The following TRAF3 variants were observed in gnomAD, a reference collection of about 807,000 sequenced individuals.
TRAF3 encodes the protein TNF receptor-associated factor 3.
TRAF3 carries 13 observed loss-of-function variants against 62.3 expected under a neutral mutation model. The observed-to-expected ratio is 0.21, with a 90% CI of 0.14 to 0.33. TRAF3 has a LOEUF of 0.33. Among genes scored for constraint, TRAF3 ranks in the 10% least tolerant of loss-of-function variants. The probability of loss-of-function intolerance (pLI) is 1.00; values close to 1 mark genes in which losing one functional copy is unlikely to be tolerated. For synonymous variants in TRAF3, 269 were observed against 283.4 expected, an observed-to-expected ratio of 0.95 and a Z score of 0.51; for missense variants, 440 against 741.8, an observed-to-expected ratio of 0.59 and a Z score of 4.73.
At chr14:102,811,753 G>C (rs1899174124) in intron 1 of TRAF3, among the ~76,000 whole-genome samples, 1 of 147,954 alleles carries the variant, frequency 6.8e-6, no homozygotes, top group Non-Finnish European at 1.5e-5. Flanking sequence ...GTGTGTGTGT[G>C]TGTGTGTGTT....
At chr14:102,845,202 A>AT (rs1245644801) in intron 2 of TRAF3, among the ~76,000 whole-genome samples, 1 of 128,982 alleles carries the variant, frequency 7.8e-6, no homozygotes, top group Non-Finnish European at 1.7e-5. Flanking sequence ...GGCCCTAAAA[A>AT]TTTTTTGTTT....
intron 1 of TRAF3, among the ~76,000 whole-genome samples, chr14:102,781,405 C>A (rs1363528176): frequency 6.6e-6 from 1 of 152,178 alleles, no homozygotes; most frequent in African/African-American, 2.4e-5. Context: ...GGGAACAGAG[C>A]AGCAGGCCCT....
rs145405011 is a variant in TRAF3 at position 102,830,121 on chromosome 14, C to T, written c.-156-213C>T. Among the ~76,000 whole-genome samples, 553 of 152,298 alleles carry T rather than the reference C, an allele frequency of 3.6e-3. 4 individuals carry two copies. The highest frequency in any genetic ancestry group is 0.013 in the African/African-American group (535 of 41,556). ...TGGAGCCTGGTGGTTGCTGCCGAGG[C>T]GGCAGCTCCTAGAGGGCCTGGCCAG... On this transcript the variant is annotated intron_variant, in intron 1 of 11. Coordinates refer to ENST00000392745, the MANE Select transcript of TRAF3 (RefSeq NM_145725.3).
At chr14:102,866,179 T>G (rs564858022) in intron 2 of TRAF3, among the ~76,000 whole-genome samples, 2 of 152,116 alleles carry the variant, frequency 1.3e-5, no homozygotes, top group East Asian at 3.9e-4. Context: ...AACAGAGGAA[T>G]AGAAAACCAA....
At chr14:102,780,275 G>A (rs1400161193) in intron 1 of TRAF3, among the ~76,000 whole-genome samples, 4 of 151,992 alleles carry the variant, frequency 2.6e-5, no homozygotes, top group Non-Finnish European at 4.4e-5. Flanking sequence ...GCAGGCTTTG[G>A]GTCCCAAAGA....
chr14:102,883,284 G>A (rs1889172382), intron 6 of TRAF3, among the ~76,000 whole-genome samples: 1 of 152,254 alleles, frequency 6.6e-6, no homozygotes, highest in African/African-American at 2.4e-5. Flanking sequence ...GCAATAGGCA[G>A]ATGAGTCTAA....
rs147565097 is a variant in TRAF3, at chr14:102,872,747, A to G, written c.297+779A>G. ...ACTCTTGTTGCACAGGCTGGAGCAC[A>G]ATGGCACGATCTTGGCTCGCTGCAG... is the stretch of plus-strand genomic sequence containing the variant. On this transcript the variant is annotated intron_variant, in intron 4 of 11. Transcript: ENST00000392745. Among the ~76,000 whole-genome samples, 1,224 of 151,500 alleles carry G rather than the reference A, an allele frequency of 8.1e-3. 7 individuals carry two copies. Among genetic ancestry groups the G allele is most frequent in the Non-Finnish European group, 0.013 (859 of 67,906 alleles).
intron 10 of TRAF3, among the ~76,000 whole-genome samples, chr14:102,901,542 G>T (rs868323684): frequency 1.4e-4 from 21 of 152,296 alleles, no homozygotes; most frequent in South Asian, 2.1e-4. Flanking sequence ...TTGTCCCCCA[G>T]CAAATAGACT....
At chr14:102,858,449 G>C (rs893452423) in intron 2 of TRAF3, among the ~76,000 whole-genome samples, 5 of 152,066 alleles carry the variant, frequency 3.3e-5, no homozygotes, top group Non-Finnish European at 7.4e-5. Flanking sequence ...CACTGCACCC[G>C]GCCTAAGAAC....
intron 4 of TRAF3, 95 bp from the exon 5 acceptor site, chr14:102,875,529 T>G: frequency 1.5e-6 from 1 of 687,272 alleles, no homozygotes; most frequent in Admixed American, 3.2e-5. Context: ...TCCTCTCTTG[T>G]TTTTTTTTTT....
At chr14:102,862,213 A>G (rs945769305) in intron 2 of TRAF3, among the ~76,000 whole-genome samples, 7 of 152,062 alleles carry the variant, frequency 4.6e-5, no homozygotes, top group African/African-American at 1.7e-4. Context: ...CATTTTTGAA[A>G]GATAGTTTTA....
At chr14:102,868,114 C>T (rs754758819) in intron 2 of TRAF3, among the ~76,000 whole-genome samples, 11 of 152,224 alleles carry the variant, frequency 7.2e-5, no homozygotes, top group East Asian at 1.9e-4. Context: ...AGGAATTTGG[C>T]TCTTATTTTT....
chr14:102,779,311 T>G (rs1190981206), intron 1 of TRAF3, among the ~76,000 whole-genome samples: 1 of 141,762 alleles, frequency 7.1e-6, no homozygotes, highest in Non-Finnish European at 1.5e-5. Context: ...GACATTCATG[T>G]GAATTTCTCT....
At chr14:102,861,863 T>C (rs1268556996) in intron 2 of TRAF3, among the ~76,000 whole-genome samples, 1 of 152,252 alleles carries the variant, frequency 6.6e-6, no homozygotes, top group Non-Finnish European at 1.5e-5. Flanking sequence ...GAAACGTTTA[T>C]ACAGATCCTT....
chr14:102,906,128 C>CAA lies in TRAF3; in HGVS notation c.*350_*351dup, dbSNP rs996339857. 7.7e-4 allele frequency: 168 copies of CAA among 216,954 alleles called. No individual in the cohort carries two copies. Among genetic ancestry groups the CAA allele is most frequent in the Non-Finnish European group, 1.4e-3 (149 of 108,156 alleles). 13.4% of individuals were successfully genotyped at this position (216,954 alleles called of 1,614,324 possible). On this transcript the variant is annotated 3_prime_UTR_variant, in exon 12 of 12. Transcript: ENST00000392745. Reference sequence around the variant, plus strand: ...ATTTTTCTTCCTTAAACTTGAACACCAAAAAAACACACACACACACACACG... The same window carrying CAA: ...ATTTTTCTTCCTTAAACTTGAACACCAAAAAAAAACACACACACACACACACG...
chr14:102,901,370 G>C (rs996555534), intron 10 of TRAF3, among the ~76,000 whole-genome samples: 4 of 152,142 alleles, frequency 2.6e-5, no homozygotes, highest in African/African-American at 7.2e-5. Flanking sequence ...GTTACAAAGG[G>C]CGTCTCTCAG....
At chr14:102,823,331 C>A (rs779824039) in intron 1 of TRAF3, among the ~76,000 whole-genome samples, 11 of 152,128 alleles carry the variant, frequency 7.2e-5, no homozygotes, top group Non-Finnish European at 1.0e-4. Flanking sequence ...TTATTTATTT[C>A]ATAGTAGACA....
intron 1 of TRAF3, among the ~76,000 whole-genome samples, chr14:102,809,410 G>C (rs768481195): frequency 6.6e-6 from 1 of 151,800 alleles, no homozygotes; most frequent in Non-Finnish European, 1.5e-5. Flanking sequence ...GATTACAGGC[G>C]TGAGCCACCG....
Position 102,826,840 on chromosome 14 carries a change from G to T in TRAF3, c.-156-3494G>T. Among the ~76,000 whole-genome samples the T allele has an allele frequency of 6.6e-6, 1 of 152,174 alleles. No homozygotes were observed. The highest frequency in any genetic ancestry group is 1.9e-4 in the East Asian group (1 of 5,188). ...GCCAAAGGACAGCTGTTACTTATGG[G>T]TGGCGGCGTGGTGAGGTCGCACAAC... On this transcript the variant is annotated intron_variant, in intron 1 of 11. Transcript: ENST00000392745. The surrounding 1 kb of genome is among the most constrained non-coding windows in gnomAD (Gnocchi z 4.6).
Sources: allele counts gnomAD v4.1 joint callset (sites outside exome capture counted in the v4.1 genomes callset), GRCh38; gene constraint gnomAD v4.1.1; non-coding constraint Gnocchi (gnomAD v3.1); transcripts MANE v1.5; gene names NCBI Gene and HGNC (gene_info 2026-07-23, HGNC 2026-07-21).